ATRNL1: variants seen among roughly 807,000 people sequenced by gnomAD.
The protein encoded by ATRNL1 is attractin-like protein 1.
Under a neutral mutation model 182.7 loss-of-function variants are expected in ATRNL1, and 95 were observed. The ratio of observed to expected loss-of-function variants is 0.52; its 90% CI spans 0.44 to 0.62. The LOEUF (loss-of-function observed/expected upper bound fraction) is 0.62. Ranked by LOEUF, ATRNL1 falls within the 20% of genes least tolerant of loss-of-function variation. The pLI is 0.00. For missense variants in ATRNL1, 1,471 were observed against 1,679.5 expected, an observed-to-expected ratio of 0.88 and a Z score of 2.17; for synonymous variants, 576 against 568.3, an observed-to-expected ratio of 1.01 and a Z score of -0.19.
At chr10:115,816,108 G>A (rs2960662) in intron 27 of ATRNL1, among the ~76,000 whole-genome samples, 108,910 of 152,066 alleles carry the variant, frequency 0.72, 39,290 homozygotes, top group East Asian at 0.81. Context: ...AGAAACATCA[G>A]TGTTATCACT....
At chr10:115,527,712 T>C (rs1851296076) in intron 25 of ATRNL1, among the ~76,000 whole-genome samples, 1 of 152,180 alleles carries the variant, frequency 6.6e-6, no homozygotes, top group Non-Finnish European at 1.5e-5. Flanking sequence ...ATTAATACTC[T>C]GAAGTTTGTT....
chr10:115,447,403 AAT>A (rs1445473414), intron 21 of ATRNL1, among the ~76,000 whole-genome samples: 1 of 151,770 alleles, frequency 6.6e-6, no homozygotes, highest in Non-Finnish European at 1.5e-5. Flanking sequence ...ATTTGTTTGC[AAT>A]ATATATAATA....
intron 18 of ATRNL1, among the ~76,000 whole-genome samples, chr10:115,333,004 C>T (rs1855304163): frequency 6.6e-6 from 1 of 152,158 alleles, no homozygotes; most frequent in South Asian, 2.1e-4. Flanking sequence ...CAATTTGGTC[C>T]TCTGTCTGGC....
chr10:115,352,398 T>G (rs2134127714), intron 19 of ATRNL1, among the ~76,000 whole-genome samples: 1 of 152,246 alleles, frequency 6.6e-6, no homozygotes, highest in Non-Finnish European at 1.5e-5. Context: ...CTATTAAGTG[T>G]TCTTATTTGA....
intron 21 of ATRNL1, among the ~76,000 whole-genome samples, chr10:115,455,253 G>T (rs1416286492): frequency 1.3e-5 from 2 of 151,970 alleles, no homozygotes; most frequent in African/African-American, 2.4e-5. Context: ...TTGATCATGG[G>T]GTGTGGTCCT....
intron 27 of ATRNL1, among the ~76,000 whole-genome samples, chr10:115,835,837 T>G (rs1315837508): frequency 6.6e-6 from 1 of 152,144 alleles, no homozygotes; most frequent in Non-Finnish European, 1.5e-5. Flanking sequence ...CCTCCATCCA[T>G]GGATAGGTTC....
intron 25 of ATRNL1, among the ~76,000 whole-genome samples, chr10:115,523,470 G>T (rs1851058180): frequency 2.0e-5 from 3 of 152,216 alleles, no homozygotes; most frequent in African/African-American, 7.2e-5. Context: ...TGGCCAGGCT[G>T]AGGATTCTAC....
chr10:115,866,344 T>TA (rs1163960283), intron 28 of ATRNL1, among the ~76,000 whole-genome samples: 1 of 152,214 alleles, frequency 6.6e-6, no homozygotes, highest in Non-Finnish European at 1.5e-5. Context: ...TCAAGTAGTC[T>TA]ATGGAACTGT....
At chr10:115,825,854 G>A (rs926116918) in intron 27 of ATRNL1, among the ~76,000 whole-genome samples, 3 of 152,074 alleles carry the variant, frequency 2.0e-5, no homozygotes, top group East Asian at 1.9e-4. Flanking sequence ...CCTATGTATC[G>A]TTGCATTGTG....
rs191110811 is a variant in ATRNL1 at position 115,431,871 on chromosome 10, T to C, written c.3322+5569T>C. Among the ~76,000 whole-genome samples, 258 of 152,184 alleles carry C rather than the reference T, an allele frequency of 1.7e-3. 1 individual carries two copies. The highest frequency in any genetic ancestry group is 6.0e-3 in the African/African-American group (251 of 41,568). On this transcript the variant is annotated intron_variant, in intron 21 of 28. Transcript: ENST00000355044. ...GTTTTTTAAAATTAGAAATTCCTCT[T>C]TTTTTGAGCCTTTAGTTTCTTTTAT...
chr10:115,236,586 CAATA>C (rs1336077540), intron 9 of ATRNL1, among the ~76,000 whole-genome samples: 1 of 151,908 alleles, frequency 6.6e-6, no homozygotes, highest in Admixed American at 6.6e-5. Flanking sequence ...GTTTTTTTAA[CAATA>C]AACTCTATGT....
chr10:115,944,914 A>T lies in ATRNL1; in HGVS notation c.*135A>T. On this transcript the variant is annotated 3_prime_UTR_variant, in exon 29 of 29. Coordinates refer to ENST00000355044, the MANE Select transcript of ATRNL1 (RefSeq NM_207303.4). ...CTGAGTACAGTTTCCTTCCAAATGG[A>T]CAATGACCCAGGTGGCCAAAGAATG... 2 of 1,054,710 alleles carry T rather than the reference A, an allele frequency of 1.9e-6. No individual in the cohort carries two copies. Among genetic ancestry groups the T allele is most frequent in the Non-Finnish European group, 2.6e-6 (2 of 781,418 alleles). The allele number at this position is 1,054,710 out of a possible 1,614,324, so 65.3% of individuals were successfully genotyped here. A position where few individuals can be genotyped will look rare whatever the true frequency, so the allele number is the denominator to read the frequency against.
intron 2 of ATRNL1, among the ~76,000 whole-genome samples, 193 bp from the exon 3 acceptor site, chr10:115,121,506 A>G (rs1554871584): frequency 6.6e-6 from 1 of 152,200 alleles, no homozygotes; most frequent in Non-Finnish European, 1.5e-5. Context: ...TACAAATTAG[A>G]TATGATGGCT....
intron 24 of ATRNL1, among the ~76,000 whole-genome samples, chr10:115,502,662 A>C (rs1476752281): frequency 6.6e-6 from 1 of 152,118 alleles, no homozygotes; most frequent in Non-Finnish European, 1.5e-5. Flanking sequence ...AACCTTGTTA[A>C]TCTGACACAG....
intron 27 of ATRNL1, among the ~76,000 whole-genome samples, chr10:115,795,435 T>C (rs1949628869): frequency 6.6e-6 from 1 of 152,116 alleles, no homozygotes. Flanking sequence ...ATGTGACCAG[T>C]CTCCTGGTCT....
chr10:115,752,886 C>G (rs1948486523), intron 27 of ATRNL1, among the ~76,000 whole-genome samples: 1 of 151,980 alleles, frequency 6.6e-6, no homozygotes, highest in African/African-American at 2.4e-5. Context: ...TCCATAGAAA[C>G]AAAGTATTGC....
At chr10:115,519,800 G>T (rs1554984749) in intron 25 of ATRNL1, among the ~76,000 whole-genome samples, 1 of 152,066 alleles carries the variant, frequency 6.6e-6, no homozygotes, top group African/African-American at 2.4e-5. Context: ...CTTTTGGTTG[G>T]TTTTCAACTG....
At chr10:115,500,743 G>T (rs1165970030) in intron 24 of ATRNL1, among the ~76,000 whole-genome samples, 1 of 151,812 alleles carries the variant, frequency 6.6e-6, no homozygotes, top group Admixed American at 6.6e-5. Flanking sequence ...GTTTCTCCAT[G>T]TTGGTCAGGC....
chr10:115,821,378 G>T (rs1950292721), intron 27 of ATRNL1, among the ~76,000 whole-genome samples: 1 of 152,118 alleles, frequency 6.6e-6, no homozygotes, highest in Admixed American at 6.6e-5. Flanking sequence ...AATTTGGTAT[G>T]TTTTTGCGGT....
Sources: allele counts gnomAD v4.1 joint callset (sites outside exome capture counted in the v4.1 genomes callset), GRCh38; gene constraint gnomAD v4.1.1; transcripts MANE v1.5; gene names NCBI Gene and HGNC (gene_info 2026-07-23, HGNC 2026-07-21).